Variants in KIF18A observed in about 807,000 individuals in gnomAD.
The protein encoded by KIF18A is kinesin-like protein KIF18A.
A neutral mutation model predicts 103.3 loss-of-function variants in KIF18A; 67 were observed. The ratio of observed to expected loss-of-function variants is 0.65; its 90% CI spans 0.53 to 0.79. The LOEUF (loss-of-function observed/expected upper bound fraction) is 0.79. Among genes scored for constraint, KIF18A ranks in the 30% least tolerant of loss-of-function variants. KIF18A has a pLI of 0.00. For synonymous variants in KIF18A, 367 were observed against 355.5 expected, an observed-to-expected ratio of 1.03 and a Z score of -0.36; for missense variants, 1,032 against 1,062.5, an observed-to-expected ratio of 0.97 and a Z score of 0.40.
chr11:28,084,743 T>A lies in KIF18A; in HGVS notation c.963A>T (p.Gly321=), dbSNP rs1485412170. The change falls in exon 7 of 17, where the codon GGA becomes GGT. Residue 321 remains glycine, a synonymous_variant. Coordinates refer to ENST00000263181, the MANE Select transcript of KIF18A (RefSeq NM_031217.4). The part of the protein sequence containing the change: ...KLTRLLKDSL[G]GNCQTIMIAA... ...CTATCATTATAGTTTGACAGTTTCC[T>A]CCAAGAGAATCCTTTAACAAGCGAG... 1.9e-6 allele frequency: 3 copies of A among 1,612,802 alleles called. No individual in the cohort carries two copies. In the Admixed American group the frequency reaches 5.0e-5, roughly 27 times the overall value.
chr11:28,078,370 G>A (rs928150547), intron 9 of KIF18A, among the ~76,000 whole-genome samples: 4 of 151,984 alleles, frequency 2.6e-5, no homozygotes, highest in African/African-American at 9.7e-5. Context: ...GTTATCTTTA[G>A]GTTATACTTA....
chr11:28,035,430 T>C lies in KIF18A; in HGVS notation c.2461A>G (p.Met821Val), dbSNP rs766196093. The C allele has an allele frequency of 4.4e-6, 7 of 1,603,706 alleles. No individual in the cohort carries two copies. Among genetic ancestry groups the C allele is most frequent in the South Asian group, 3.4e-5 (3 of 88,966 alleles). The stretch of plus-strand genomic sequence containing the variant: ...CTTTTGGCAGCAGTAGTCATTGCCA[T>C]GTAGGATGGCACCATGCTTGGTACA... Reference protein sequence around the residue: ...MPVPSMVPSYMAMTTAAKRKR... With the variant: ...MPVPSMVPSYVAMTTAAKRKR... The change falls in exon 15 of 17, where the codon ATG (methionine) becomes GTG (valine). Residue 821 changes from methionine to valine, a missense_variant. Coordinates refer to ENST00000263181, the MANE Select transcript of KIF18A (RefSeq NM_031217.4).
intron 15 of KIF18A, among the ~76,000 whole-genome samples, chr11:28,028,145 T>A (rs1025036637): frequency 6.6e-6 from 1 of 151,540 alleles, no homozygotes; most frequent in Non-Finnish European, 1.5e-5. Flanking sequence ...AAATTCAACA[T>A]CCCTTTATGA....
intron 13 of KIF18A, 28 bp from the exon 14 acceptor site, chr11:28,036,692 C>T (rs778606809): frequency 2.5e-5 from 35 of 1,387,726 alleles, no homozygotes; most frequent in Admixed American, 6.7e-5. Flanking sequence ...AAAAGACACT[C>T]GATAATGTTT....
chr11:28,071,067 A>T (rs529021855), intron 10 of KIF18A, among the ~76,000 whole-genome samples: 3 of 152,238 alleles, frequency 2.0e-5, no homozygotes, highest in Admixed American at 6.5e-5. Context: ...AGACCCTGAC[A>T]GCAAAAACTA....
At chr11:28,066,948 A>C (rs1850938381) in intron 11 of KIF18A, among the ~76,000 whole-genome samples, 1 of 151,752 alleles carries the variant, frequency 6.6e-6, no homozygotes, top group African/African-American at 2.4e-5. Flanking sequence ...TTTATCATCC[A>C]TTATTATTTG....
intron 9 of KIF18A, among the ~76,000 whole-genome samples, chr11:28,078,365 C>A (rs1851122246): frequency 6.6e-6 from 1 of 152,030 alleles, no homozygotes; most frequent in East Asian, 1.9e-4. Context: ...GATAAGTTAT[C>A]TTTAGGTTAT....
intron 15 of KIF18A, among the ~76,000 whole-genome samples, chr11:28,031,530 G>T (rs1354092304): frequency 3.3e-5 from 5 of 152,102 alleles, no homozygotes; most frequent in Non-Finnish European, 7.4e-5. Flanking sequence ...GGGGCCTGTT[G>T]TGGGGTAGGG....
intron 13 of KIF18A, among the ~76,000 whole-genome samples, chr11:28,037,644 T>A (rs1850510454): frequency 6.6e-6 from 1 of 151,520 alleles, no homozygotes; most frequent in African/African-American, 2.4e-5. Flanking sequence ...GTCTCCTGTA[T>A]CATACATAAC....
rs763268791 is a variant in KIF18A at position 28,023,832 on chromosome 11, C to A, written c.2523G>T (p.Ser841=). The part of the protein sequence containing the change: ...RKLTSSTSNS[S]LTADVNSGFA... ...ATCCAGAATTTACGTCTGCAGTTAA[C>A]GAACTGTTTGATGTAGAACTTGAGA... Residue 841 remains serine, a synonymous_variant, in exon 16 of 17, where the codon TCG becomes TCT. Coordinates refer to ENST00000263181, the MANE Select transcript of KIF18A (RefSeq NM_031217.4). 1.2e-6 allele frequency: 2 copies of A among 1,609,720 alleles called. No homozygotes were observed. Among genetic ancestry groups the A allele is most frequent in the Admixed American group, 1.7e-5 (1 of 59,812 alleles).
In KIF18A at chr11:28,084,939, T is replaced by A. The variant is rs367622544; in HGVS notation, c.898-131A>T. 2.6e-5 allele frequency: 16 copies of A among 607,882 alleles called. No individual in the cohort carries two copies. In the African/African-American group the frequency reaches 2.8e-4, roughly 11 times the overall value. The allele number at this position is 607,882 out of a possible 1,614,324, so 37.7% of individuals were successfully genotyped here. A position where few individuals can be genotyped will look rare whatever the true frequency, so the allele number is the denominator to read the frequency against. On this transcript the variant is annotated intron_variant, in intron 6 of 16. Transcript: ENST00000263181. Reference sequence around the variant, plus strand: ...CAAGAGACTGAAGGTATAAACTGTTTCAGTATAATGAAAAAAATAGCTAGA... The same window carrying A: ...CAAGAGACTGAAGGTATAAACTGTTACAGTATAATGAAAAAAATAGCTAGA...
chr11:28,032,431 C>CA (rs1230988878), intron 15 of KIF18A, among the ~76,000 whole-genome samples: 6 of 151,776 alleles, frequency 4.0e-5, no homozygotes, highest in Non-Finnish European at 8.8e-5. Flanking sequence ...GCAAAAAGAT[C>CA]AAAACTGGAG....
chr11:28,046,631 G>T (rs1175708894), intron 13 of KIF18A, among the ~76,000 whole-genome samples: 6 of 139,294 alleles, frequency 4.3e-5, no homozygotes, highest in African/African-American at 1.6e-4. Flanking sequence ...CACCAGCATG[G>T]CACATGTATA....
chr11:28,039,364 C>T (rs1372056748), intron 13 of KIF18A, among the ~76,000 whole-genome samples: 1 of 151,636 alleles, frequency 6.6e-6, no homozygotes, highest in Admixed American at 6.6e-5. Flanking sequence ...TTAATATAAA[C>T]CACAGGTATT....
intron 1 of KIF18A, among the ~76,000 whole-genome samples, chr11:28,104,578 C>A (rs1565093784): frequency 6.6e-6 from 1 of 152,092 alleles, no homozygotes. Flanking sequence ...TGTCACCCTG[C>A]CTTTGCTTCT....
Position 28,059,136 on chromosome 11 carries a change from G to C in KIF18A, c.1738C>G (p.Leu580Val). 2 of 1,613,722 alleles carry C rather than the reference G, an allele frequency of 1.2e-6. No homozygotes were observed. The highest frequency in any genetic ancestry group is 1.7e-6 in the Non-Finnish European group (2 of 1,179,732). The change falls in exon 13 of 17, where the codon CTA becomes GTA. Residue 580 changes from leucine (L) to valine (V), a missense_variant. By Grantham distance (32) the Leu-to-Val change is conservative. Coordinates refer to ENST00000263181, the MANE Select transcript of KIF18A (RefSeq NM_031217.4). ...TTTAATGTGCAATATTGTTTTCTTA[G>C]GGTTGGAAGTAAAGCATTCAATACT... Reference protein sequence around the residue: ...EAVLNALLPTLRKQYCTLKEA... With the variant: ...EAVLNALLPTVRKQYCTLKEA...
At chr11:28,064,716 G>A (rs1372281840) in intron 11 of KIF18A, among the ~76,000 whole-genome samples, 2 of 151,970 alleles carry the variant, frequency 1.3e-5, no homozygotes, top group Non-Finnish European at 2.9e-5. Flanking sequence ...GTAATAATGG[G>A]TCTTTGGCTA....
intron 1 of KIF18A, among the ~76,000 whole-genome samples, chr11:28,100,137 A>C (rs1445345540): frequency 6.6e-6 from 1 of 152,090 alleles, no homozygotes; most frequent in African/African-American, 2.4e-5. Context: ...TCACCAACTG[A>C]GATGGAAATA....
intron 1 of KIF18A, among the ~76,000 whole-genome samples, chr11:28,107,259 T>C (rs989976224): frequency 6.6e-6 from 1 of 152,120 alleles, no homozygotes; most frequent in Non-Finnish European, 1.5e-5. Context: ...TAATTATCCA[T>C]AATCTAAACT....
Sources: gnomAD v4.1 joint callset for allele counts (sites outside exome capture counted in the v4.1 genomes callset) on GRCh38, gnomAD v4.1.1 for gene constraint, MANE v1.5 for transcripts, NCBI Gene and HGNC (gene_info 2026-07-23, HGNC 2026-07-21) for gene names.